WNT8B: variants seen among roughly 807,000 people sequenced by gnomAD.
WNT8B encodes the protein Wnt family member 8B, also known as protein Wnt-8b.
Under a neutral mutation model 36.6 loss-of-function variants are expected in WNT8B, and 24 were observed. The ratio of observed to expected loss-of-function variants is 0.66; its 90% confidence interval spans 0.48 to 0.92. The LOEUF is 0.92. Among genes scored for constraint, WNT8B ranks in the 40% least tolerant of loss-of-function variants. The probability of loss-of-function intolerance (pLI) is 0.00; values close to 1 mark genes in which losing one functional copy is unlikely to be tolerated. For synonymous variants in WNT8B, 199 were observed against 189.8 expected (o/e 1.05, Z -0.40); for missense variants, 402 against 470.8 (o/e 0.85, Z 1.35).
rs535379224 is a variant in WNT8B, at chr10:100,471,082, A to G, written c.68+7846A>G. ...ATACACAAATGCTTACCATCATGTT[A>G]TAATTGCCCACAGTAGTCAGTACAA... On this transcript the variant is annotated intron_variant, in intron 1 of 5. Coordinates refer to ENST00000343737, the MANE Select transcript of WNT8B (RefSeq NM_003393.4). 3.9e-5 allele frequency among the ~76,000 whole-genome samples: 6 copies of G among 152,350 alleles called. No individual in the cohort carries two copies. In the East Asian group the frequency reaches 1.2e-3, roughly 29 times the overall value.
chr10:100,472,957 G>T (rs1331936465), intron 1 of WNT8B, among the ~76,000 whole-genome samples: 1 of 152,186 alleles, frequency 6.6e-6, no homozygotes, highest in East Asian at 1.9e-4. Flanking sequence ...CTTGCCACAG[G>T]CTTCCTATAT....
intron 1 of WNT8B, among the ~76,000 whole-genome samples, chr10:100,464,237 A>G (rs1850887351): frequency 6.6e-6 from 1 of 152,218 alleles, no homozygotes; most frequent in Non-Finnish European, 1.5e-5. Context: ...GAGTGTTGAT[A>G]GGAAGTATGC....
chr10:100,480,039 C>T, intron 3 of WNT8B, 27 bp downstream of exon 3: 1 of 1,609,780 alleles, frequency 6.2e-7, no homozygotes, highest in Middle Eastern at 2.1e-4. Context: ...CCACAGCTCC[C>T]TGGACCCTCT....
intron 1 of WNT8B, among the ~76,000 whole-genome samples, chr10:100,473,915 G>T (rs910681636): frequency 1.3e-5 from 2 of 149,548 alleles, no homozygotes; most frequent in Non-Finnish European, 3.0e-5. Flanking sequence ...AACAGAGCAA[G>T]ATTCTGTCTT....
In WNT8B at chr10:100,482,987, CCT is replaced by C; in HGVS notation, c.*174_*175del. On this transcript the variant is annotated 3_prime_UTR_variant, in exon 6 of 6. Coordinates refer to ENST00000343737, the MANE Select transcript of WNT8B (RefSeq NM_003393.4). This position sits in a 1 kb window ranked among gnomAD's most constrained non-coding sequence, Gnocchi z 6.6. ...CACTTTCCAGCCTGTTTCCCCAATT[CCT>C]CTGTGCTCTCCTAGAGCTCTGTCTG... 1.4e-6 allele frequency: 1 copy of C among 731,400 alleles called. No homozygotes were observed. The highest frequency in any genetic ancestry group is 2.2e-5 in the South Asian group (1 of 44,922). 45.3% of individuals were successfully genotyped at this position (731,400 alleles called of 1,614,324 possible).
At chr10:100,478,986 T>C in intron 1 of WNT8B, 66 bp from the exon 2 acceptor site, 1 of 1,418,990 alleles carries the variant, frequency 7.0e-7, no homozygotes, top group Non-Finnish European at 9.6e-7. Flanking sequence ...CTTACCACTC[T>C]TGGAAGCAGA....
intron 1 of WNT8B, among the ~76,000 whole-genome samples, chr10:100,468,586 C>T (rs1589722734): frequency 6.6e-6 from 1 of 152,226 alleles, no homozygotes; most frequent in African/African-American, 2.4e-5. Flanking sequence ...CATTTAGATG[C>T]TAAGTGCTGA....
intron 3 of WNT8B, 43 bp from the exon 4 acceptor site, chr10:100,480,950 TTAAGC>T (rs769473445): frequency 2.5e-6 from 4 of 1,602,808 alleles, no homozygotes; most frequent in Non-Finnish European, 2.6e-6. Flanking sequence ...TGGTATTTCT[TTAAGC>T]TGAAACCCCT....
At chr10:100,463,498 T>C (rs1298669679) in intron 1 of WNT8B, among the ~76,000 whole-genome samples, 3 of 152,162 alleles carry the variant, frequency 2.0e-5, no homozygotes, top group Admixed American at 6.6e-5. Context: ...CCAAAGTGAT[T>C]TGGGGGTAAA....
At chr10:100,480,367 T>C (rs1420847282) in intron 3 of WNT8B, among the ~76,000 whole-genome samples, 1 of 152,020 alleles carries the variant, frequency 6.6e-6, no homozygotes, top group African/African-American at 2.4e-5. Context: ...AGCAGAGAGA[T>C]ACTGGGCAAG....
chr10:100,467,784 A>G (rs1290755294), intron 1 of WNT8B, among the ~76,000 whole-genome samples: 1 of 152,220 alleles, frequency 6.6e-6, no homozygotes, highest in Non-Finnish European at 1.5e-5. Flanking sequence ...TGTTTTTACA[A>G]ATGTTGAGAA....
chr10:100,477,178 C>T (rs887633482), intron 1 of WNT8B, among the ~76,000 whole-genome samples: 17 of 152,122 alleles, frequency 1.1e-4, no homozygotes, highest in African/African-American at 7.2e-5. Flanking sequence ...TTAATCACTC[C>T]GTAACTTCCT....
chr10:100,481,837 C>T (rs3750722), intron 4 of WNT8B, 75 bp from the exon 5 acceptor site: 7 of 1,581,578 alleles, frequency 4.4e-6, no homozygotes, highest in African/African-American at 4.0e-5. Flanking sequence ...CACCCCCAAC[C>T]CAATTAGAAA....
intron 1 of WNT8B, among the ~76,000 whole-genome samples, chr10:100,467,098 G>T: frequency 6.6e-6 from 1 of 152,002 alleles, no homozygotes; most frequent in Non-Finnish European, 1.5e-5. Flanking sequence ...GCACTCCCAG[G>T]ACCTCTCAAC....
At chr10:100,479,654 G>A (rs1851084797) in intron 2 of WNT8B, among the ~76,000 whole-genome samples, 2 of 152,054 alleles carry the variant, frequency 1.3e-5, no homozygotes, top group Admixed American at 6.6e-5. Flanking sequence ...TGGGACTTTG[G>A]GGAAATTACT....
intron 1 of WNT8B, among the ~76,000 whole-genome samples, chr10:100,475,553 G>C (rs1851028439): frequency 6.6e-6 from 1 of 152,134 alleles, no homozygotes; most frequent in South Asian, 2.1e-4. Context: ...TAGAATCTCT[G>C]TCTATTACTC....
intron 3 of WNT8B, among the ~76,000 whole-genome samples, chr10:100,480,597 G>A (rs1400595898): frequency 1.3e-5 from 2 of 152,286 alleles, no homozygotes; most frequent in Middle Eastern, 3.4e-3. Context: ...AGTCATGTGT[G>A]TCAACAGTAC....
chr10:100,473,121 G>A (rs1260916106), intron 1 of WNT8B, among the ~76,000 whole-genome samples: 2 of 152,170 alleles, frequency 1.3e-5, no homozygotes, highest in African/African-American at 4.8e-5. Context: ...GGTATACAGA[G>A]ATAATTAAGG....
Position 100,463,036 on chromosome 10 carries a change from G to A in WNT8B, c.-133G>A. On this transcript the variant is annotated 5_prime_UTR_variant, in exon 1 of 6. Transcript: ENST00000343737. ...ATTTCACCTCCCCTTAACTCTGTTT[G>A]GGATCGCTTACACACCAAGGAAGTT... The A allele has an allele frequency of 1.4e-6, 1 of 727,150 alleles. No individual in the cohort carries two copies. The highest frequency in any genetic ancestry group is 2.3e-6 in the Non-Finnish European group (1 of 437,696). 45.0% of individuals were successfully genotyped at this position (727,150 alleles called of 1,614,324 possible).
Sources: allele counts gnomAD v4.1 joint callset (sites outside exome capture counted in the v4.1 genomes callset), GRCh38; gene constraint gnomAD v4.1.1; non-coding constraint Gnocchi (gnomAD v3.1); transcripts MANE v1.5; gene names NCBI Gene and HGNC (gene_info 2026-07-23, HGNC 2026-07-21).